The following NUDT14 variants were observed in gnomAD, a reference collection of about 807,000 sequenced individuals.
NUDT14 encodes uridine diphosphate glucose pyrophosphatase NUDT14.
NUDT14 carries 22 observed loss-of-function variants against 17.5 expected under a neutral mutation model. The ratio of observed to expected loss-of-function variants is 1.26; its 90% CI spans 0.90 to 1.80. The LOEUF is 1.80. Among genes scored for constraint, NUDT14 ranks in the 40% most tolerant of loss-of-function variants. The pLI is 0.00. For missense variants in NUDT14, 296 were observed against 295.6 expected (o/e 1.00, Z -0.01); for synonymous variants, 129 against 125.8 (o/e 1.03, Z -0.17).
At position 105,172,994 on chromosome 14, in the gene NUDT14, C is replaced by T; in HGVS notation, c.*27G>A. Reference sequence around the variant, plus strand: ...CGGGGTGTGGGGTGAGTGGCCAAGACTGGCCTCTGTCTAGAACCCTGGAGT... The same window carrying T: ...CGGGGTGTGGGGTGAGTGGCCAAGATTGGCCTCTGTCTAGAACCCTGGAGT... On this transcript the variant is annotated 3_prime_UTR_variant, in exon 5 of 5. Coordinates refer to ENST00000392568, the MANE Select transcript of NUDT14 (RefSeq NM_177533.5). 6.8e-7 allele frequency: 1 copy of T among 1,477,058 alleles called. No individual in the cohort carries two copies. Among genetic ancestry groups the T allele is most frequent in the South Asian group, 1.5e-5 (1 of 68,656 alleles). 91.5% of individuals were successfully genotyped at this position (1,477,058 alleles called of 1,614,324 possible).
intron 2 of NUDT14, chr14:105,177,411 G>A (rs1040183817): frequency 3.6e-6 from 2 of 551,364 alleles, no homozygotes; most frequent in Non-Finnish European, 6.6e-6. Flanking sequence ...GACCCTGGAT[G>A]CTAGGGGCAA....
intron 2 of NUDT14, 141 bp from the exon 3 acceptor site, chr14:105,177,168 G>C (rs1241884929): frequency 1.3e-6 from 1 of 747,330 alleles, no homozygotes; most frequent in Non-Finnish European, 2.3e-6. Flanking sequence ...GCTCAGATAG[G>C]ATGGCTGAGG....
In NUDT14 at chr14:105,176,545, G is replaced by A. The variant is rs1020474342; in HGVS notation, c.417C>T (p.Val139=). ...CTGGTCCCACTCACCAGTATGTGGC[G>A]ACCCGGCGCAGATCAGAGGGGGCCA... ...YHLAPSDLRR[V]ATYWSGVGLT... is the part of the protein sequence containing the mutation. The change falls in exon 4 of 5, where the codon GTC becomes GTT. Residue 139 remains valine (V), a synonymous_variant. Transcript: ENST00000392568. 9.3e-6 allele frequency: 15 copies of A among 1,612,320 alleles called. No homozygotes were observed. The Middle Eastern group carries it at 5.0e-4, about 53-fold the overall frequency.
chr14:105,173,308 TG>T lies in NUDT14; in HGVS notation c.429-48del, dbSNP rs1314410165. ...GCTGAGTCACCCACGCTGGCCCCGCTGGCCCCCTGGCCCTTCTACCACCCTC... is the reference window on the plus strand; with the variant it reads ...GCTGAGTCACCCACGCTGGCCCCGCTGCCCCCTGGCCCTTCTACCACCCTC... On this transcript the variant is annotated intron_variant, in intron 4 of 4. Coordinates refer to ENST00000392568, the MANE Select transcript of NUDT14 (RefSeq NM_177533.5). This position sits in a 1 kb window ranked among gnomAD's most constrained non-coding sequence, Gnocchi z 4.7. The T allele has an allele frequency of 2.1e-5, 30 of 1,450,598 alleles. No individual in the cohort carries two copies. Among genetic ancestry groups the T allele is most frequent in the Non-Finnish European group, 2.7e-5 (30 of 1,101,902 alleles). The allele number at this position is 1,450,598 out of a possible 1,614,324, so 89.9% of individuals were successfully genotyped here.
intron 1 of NUDT14, among the ~76,000 whole-genome samples, chr14:105,180,536 C>A (rs1354424917): frequency 6.6e-6 from 1 of 152,198 alleles, no homozygotes; most frequent in Non-Finnish European, 1.5e-5. Flanking sequence ...GCAATACAGC[C>A]TCTTGTGCCG....
At position 105,181,246 on chromosome 14, in the gene NUDT14, G is replaced by A; in HGVS notation, c.-37C>T. Reference sequence around the variant, plus strand: ...GACAGGCGGGGGCCGCGAGCTCTGCGGGGGCCGACACGGGGCGGCGCCCTG... The same window carrying A: ...GACAGGCGGGGGCCGCGAGCTCTGCAGGGGCCGACACGGGGCGGCGCCCTG... On this transcript the variant is annotated 5_prime_UTR_variant, in exon 1 of 5. Coordinates refer to ENST00000392568, the MANE Select transcript of NUDT14 (RefSeq NM_177533.5). The surrounding 1 kb of genome is among the most constrained non-coding windows in gnomAD (Gnocchi z 5.0). 7 of 846,824 alleles carry A rather than the reference G, an allele frequency of 8.3e-6. No homozygotes were observed. The highest frequency in any genetic ancestry group is 1.0e-5 in the Non-Finnish European group (7 of 675,680). The allele number at this position is 846,824 out of a possible 1,614,324, so 52.5% of individuals were successfully genotyped here.
chr14:105,177,007 T>A lies in NUDT14; in HGVS notation c.146A>T (p.Asn49Ile). The A allele has an allele frequency of 1.2e-6, 2 of 1,606,118 alleles. No homozygotes were observed. Among genetic ancestry groups the A allele is most frequent in the Middle Eastern group, 1.7e-4 (1 of 6,054 alleles). The change falls in exon 3 of 5, where the codon AAC becomes ATC. Residue 49 changes from asparagine to isoleucine, a missense_variant. Coordinates refer to ENST00000392568, the MANE Select transcript of NUDT14 (RefSeq NM_177533.5). Reference protein sequence around the residue: ...THDSVTVLLFNSSRRSLVLVK... With the variant: ...THDSVTVLLFISSRRSLVLVK... ...CAACACCAGGCTCCTCCGAGAAGAG[T>A]TGAATAAGAGAACGGTCACGCTGTG... is the stretch of plus-strand genomic sequence containing the variant.
At chr14:105,175,747 G>A in intron 4 of NUDT14, 5 of 1,006,502 alleles carry the variant, frequency 5.0e-6, no homozygotes, top group Non-Finnish European at 5.9e-6. Context: ...CATCCAGCCA[G>A]GAACGTGCCC....
chr14:105,177,606 G>A, intron 2 of NUDT14, 86 bp downstream of exon 2: 2 of 1,278,792 alleles, frequency 1.6e-6, no homozygotes, highest in East Asian at 4.6e-5. Context: ...CGTCAGGGAG[G>A]AGAGGGCACC....
intron 1 of NUDT14, among the ~76,000 whole-genome samples, chr14:105,178,359 C>A (rs1433858711): frequency 1.3e-5 from 2 of 152,086 alleles, no homozygotes; most frequent in Non-Finnish European, 2.9e-5. Context: ...CCCCCACACA[C>A]CCCTACCCCC....
chr14:105,175,619 C>T (rs1397569978), intron 4 of NUDT14: 14 of 662,812 alleles, frequency 2.1e-5, no homozygotes, highest in African/African-American at 7.8e-5. Flanking sequence ...AGGCTGGTCT[C>T]GAACTCCTGA....
intron 2 of NUDT14, chr14:105,177,279 C>T (rs1342022949): frequency 1.6e-6 from 1 of 641,560 alleles, no homozygotes; most frequent in South Asian, 1.7e-5. Context: ...GGGAAGGACA[C>T]ACGGGCAGCT....
In NUDT14 at chr14:105,181,259, GGGC is replaced by G; in HGVS notation, c.-53_-51del. 1 of 713,802 alleles carries G rather than the reference GGGC, an allele frequency of 1.4e-6. No individual in the cohort carries two copies. Among genetic ancestry groups the G allele is most frequent in the Non-Finnish European group, 1.8e-6 (1 of 555,976 alleles). 44.2% of individuals were successfully genotyped at this position (713,802 alleles called of 1,614,324 possible). On this transcript the variant is annotated 5_prime_UTR_variant, in exon 1 of 5. Coordinates refer to ENST00000392568, the MANE Select transcript of NUDT14 (RefSeq NM_177533.5). This position sits in a 1 kb window ranked among gnomAD's most constrained non-coding sequence, Gnocchi z 5.0. Reference sequence around the variant, plus strand: ...CGCGAGCTCTGCGGGGGCCGACACGGGGCGGCGCCCTGTCCCGACAGGAGCCTT... The same window carrying G: ...CGCGAGCTCTGCGGGGGCCGACACGGGGCGCCCTGTCCCGACAGGAGCCTT...
Position 105,176,572 on chromosome 14 carries a change from G to A in NUDT14, c.390C>T (p.His130=). The A allele has an allele frequency of 1.2e-6, 2 of 1,612,742 alleles. No individual in the cohort carries two copies. Among genetic ancestry groups the A allele is most frequent in the South Asian group, 2.2e-5 (2 of 91,084 alleles). Residue 130 remains histidine, a synonymous_variant, in exon 4 of 5, where the codon CAC becomes CAT. Transcript: ENST00000392568. The stretch of plus-strand genomic sequence containing the variant: ...CCCGGCGCAGATCAGAGGGGGCCAA[G>A]TGGTAGCCACACTCCTCCCAAGCCT... ...CKEAWEECGY[H]LAPSDLRRVA...
Position 105,181,227 on chromosome 14 carries a change from CGGGGG to C in NUDT14, c.-23_-19del. The C allele has an allele frequency of 7.6e-6, 2 of 262,106 alleles. No individual in the cohort carries two copies. The highest frequency in any genetic ancestry group is 4.8e-6 in the Non-Finnish European group (1 of 210,154). 16.2% of individuals were successfully genotyped at this position (262,106 alleles called of 1,614,324 possible). On this transcript the variant is annotated 5_prime_UTR_variant, in exon 1 of 5. Transcript: ENST00000392568. This position sits in a 1 kb window ranked among gnomAD's most constrained non-coding sequence, Gnocchi z 5.0. ...CGCTCCATGGCGGCGCCCGGACAGG[CGGGGG>C]CCGCGAGCTCTGCGGGGGCCGACAC... is the stretch of plus-strand genomic sequence containing the variant.
Position 105,177,702 on chromosome 14 carries a change from T to C in NUDT14, c.115A>G (p.Thr39Ala), listed in dbSNP as rs1206330693. The C allele has an allele frequency of 6.2e-7, 1 of 1,612,386 alleles. No individual in the cohort carries two copies. Among genetic ancestry groups the C allele is most frequent in the African/African-American group, 1.3e-5 (1 of 75,040 alleles). Residue 39 changes from threonine to alanine, a missense_variant, in exon 2 of 5, where the codon ACG becomes GCG. By Grantham distance (58) the Thr-to-Ala change is moderately conservative. Transcript: ENST00000392568. ...GGGCCAGGCTCTCACCTGTCATGCG[T>C]CTTCATGAAGTCCCAGGACTTCTGG... is the stretch of plus-strand genomic sequence containing the variant. ...GAQKSWDFMK[T>A]HDSVTVLLFN...
chr14:105,178,148 G>A (rs1298449072), intron 1 of NUDT14, among the ~76,000 whole-genome samples: 1 of 152,088 alleles, frequency 6.6e-6, no homozygotes, highest in Admixed American at 6.5e-5. Flanking sequence ...GGAGAGGTCA[G>A]GTTTTCCTGC....
At chr14:105,174,707 A>C (rs1311373377) in intron 4 of NUDT14, among the ~76,000 whole-genome samples, 1 of 152,082 alleles carries the variant, frequency 6.6e-6, no homozygotes, top group Admixed American at 6.5e-5. Context: ...CGGCTTGTGA[A>C]GGAGACAGGC....
chr14:105,174,637 G>T (rs892455513), intron 4 of NUDT14, among the ~76,000 whole-genome samples: 1 of 152,116 alleles, frequency 6.6e-6, no homozygotes, highest in South Asian at 2.1e-4. Flanking sequence ...TTCCGGCGGC[G>T]GCCGCGGCTG....
Sources: gnomAD v4.1 joint callset for allele counts (sites outside exome capture counted in the v4.1 genomes callset) on GRCh38, gnomAD v4.1.1 for gene constraint, Gnocchi (gnomAD v3.1) non-coding constraint, MANE v1.5 for transcripts, NCBI Gene and HGNC (gene_info 2026-07-23, HGNC 2026-07-21) for gene names.